The following TRIM67 variants were observed in gnomAD, a reference collection of about 807,000 sequenced individuals.
The protein encoded by TRIM67 is tripartite motif containing 67, also known as tripartite motif-containing protein 67.
In TRIM67, 39 loss-of-function variants were observed where a neutral mutation model predicts 71.0. The observed-to-expected ratio is 0.55, with a 90% CI of 0.43 to 0.72. TRIM67 has a LOEUF of 0.72. Ranked by LOEUF, TRIM67 falls within the 30% of genes least tolerant of loss-of-function variation. The probability of loss-of-function intolerance (pLI) is 0.00; values close to 1 mark genes in which losing one functional copy is unlikely to be tolerated. For missense variants in TRIM67, 973 were observed against 1,079.2 expected (o/e 0.90, Z 1.38); for synonymous variants, 481 against 473.9 (o/e 1.01, Z -0.19).
At chr1:231,185,336 G>C (rs1683040718) in intron 1 of TRIM67, 2 of 997,274 alleles carry the variant, frequency 2.0e-6, no homozygotes, top group Admixed American at 5.2e-5. Flanking sequence ...AAGTCAGAAG[G>C]GAGAATGGCT....
chr1:231,193,499 T>G (rs1683286580), intron 1 of TRIM67, among the ~76,000 whole-genome samples: 2 of 138,484 alleles, frequency 1.4e-5, no homozygotes, highest in Admixed American at 1.5e-4. Flanking sequence ...GAACTCTCTC[T>G]CAAGCTCTCT....
At chr1:231,186,118 A>G (rs1009531030) in intron 1 of TRIM67, 20 of 1,533,200 alleles carry the variant, frequency 1.3e-5, no homozygotes, top group Non-Finnish European at 1.4e-5. Flanking sequence ...CTGAATGAAT[A>G]CATCGGTGAA....
intron 1 of TRIM67, among the ~76,000 whole-genome samples, chr1:231,164,299 C>T (rs1007526561): frequency 6.6e-6 from 1 of 152,172 alleles, no homozygotes; most frequent in Non-Finnish European, 1.5e-5. Context: ...GCACCCAAAA[C>T]GCAGACACAG....
chr1:231,209,596 T>C lies in TRIM67; in HGVS notation c.2123+346T>C, dbSNP rs140615446. On this transcript the variant is annotated intron_variant, in intron 8 of 9. Transcript: ENST00000366653. This position sits in a 1 kb window ranked among gnomAD's most constrained non-coding sequence, Gnocchi z 4.1. ...TTCAACTGTCAACCCAAGCTTGGGT[T>C]GCTGCAGGGTGTTAATGGGCACCAC... Among the ~76,000 whole-genome samples the C allele has an allele frequency of 7.2e-3, 1,094 of 152,304 alleles. 11 individuals are homozygous for C. Among genetic ancestry groups the C allele is most frequent in the African/African-American group, 0.025 (1,052 of 41,568 alleles).
In TRIM67 at chr1:231,219,241, C is replaced by T; in HGVS notation, c.*3801C>T. 1.0e-6 allele frequency: 1 copy of T among 982,036 alleles called. No individual in the cohort carries two copies. Among genetic ancestry groups the T allele is most frequent in the Non-Finnish European group, 1.2e-6 (1 of 826,764 alleles). The allele number at this position is 982,036 out of a possible 1,614,324, so 60.8% of individuals were successfully genotyped here. ...CTGTATGCCGTAGGATGTTTAGCAA[C>T]ATCCCTGGTCTCTACCCATCATCTG... On this transcript the variant is annotated 3_prime_UTR_variant, in exon 10 of 10. Transcript: ENST00000366653.
intron 8 of TRIM67, among the ~76,000 whole-genome samples, chr1:231,212,715 T>C (rs1683906987): frequency 6.6e-6 from 1 of 152,048 alleles, no homozygotes; most frequent in African/African-American, 2.4e-5. Context: ...ACAGCCACTC[T>C]AAAACAAAAA....
At chr1:231,200,463 G>A (rs1349075042) in intron 4 of TRIM67, among the ~76,000 whole-genome samples, 1 of 152,200 alleles carries the variant, frequency 6.6e-6, no homozygotes, top group Non-Finnish European at 1.5e-5. Context: ...CATGAAACGA[G>A]GAGGTGAAAT....
chr1:231,177,272 A>G (rs149218984), intron 1 of TRIM67, among the ~76,000 whole-genome samples: 177 of 152,302 alleles, frequency 1.2e-3, no homozygotes, highest in African/African-American at 4.2e-3. Context: ...GGGGGTGCAT[A>G]ATTTGACGAC....
At chr1:231,207,321 A>G (rs1308531514) in intron 7 of TRIM67, among the ~76,000 whole-genome samples, 1 of 152,198 alleles carries the variant, frequency 6.6e-6, no homozygotes, top group Non-Finnish European at 1.5e-5. Flanking sequence ...CACAGCGGAA[A>G]AGTGCCCTTT....
chr1:231,177,483 A>G (rs74537614), intron 1 of TRIM67, among the ~76,000 whole-genome samples: 4 of 152,228 alleles, frequency 2.6e-5, no homozygotes, highest in Non-Finnish European at 5.9e-5. Context: ...GGCTTCATGC[A>G]TCAGACATCC....
At chr1:231,181,227 G>A (rs1682897907) in intron 1 of TRIM67, among the ~76,000 whole-genome samples, 1 of 152,202 alleles carries the variant, frequency 6.6e-6, no homozygotes, top group South Asian at 2.1e-4. Context: ...GCCTCCCAAA[G>A]TGCTGGGATT....
chr1:231,207,168 G>T (rs918555397), intron 7 of TRIM67, among the ~76,000 whole-genome samples: 3 of 152,216 alleles, frequency 2.0e-5, no homozygotes, highest in African/African-American at 7.2e-5. Flanking sequence ...ACCCCATTGT[G>T]CTGGACTAAA....
rs754993094 is a variant in TRIM67 at position 231,163,867 on chromosome 1, T to C, written c.898T>C (p.Phe300Leu). Reference sequence around the variant, plus strand: ...GACTGGGGGCAGCACGGCCCGCAAGTTCCCCACGTGTCCCGAGCATGAAAT... The same window carrying C: ...GACTGGGGGCAGCACGGCCCGCAAGCTCCCCACGTGTCCCGAGCATGAAAT... ...GATGGSTARK[F>L]PTCPEHEMEN... The change falls in exon 1 of 10, where the codon TTC becomes CTC. Residue 300 changes from phenylalanine (F) to leucine (L), a missense_variant. Physicochemically the swap from Phe to Leu is conservative, Grantham distance 22. Around this residue, in one of 2 missense-constraint regions of TRIM67, gnomAD observed 795 missense variants for 831.3 expected, o/e 0.96. Transcript: ENST00000366653. The C allele has an allele frequency of 6.4e-7, 1 of 1,569,664 alleles. No homozygotes were observed. The highest frequency in any genetic ancestry group is 8.6e-7 in the Non-Finnish European group (1 of 1,158,186).
intron 1 of TRIM67, among the ~76,000 whole-genome samples, chr1:231,191,219 A>G (rs886907933): frequency 3.3e-5 from 5 of 152,142 alleles, no homozygotes; most frequent in African/African-American, 1.2e-4. Flanking sequence ...GTATACCACC[A>G]CACTCAGCTA....
At chr1:231,199,583 C>T (rs1558302798) in intron 3 of TRIM67, among the ~76,000 whole-genome samples, 1 of 152,176 alleles carries the variant, frequency 6.6e-6, no homozygotes. Flanking sequence ...CCAGTTCCCA[C>T]CAAGGGAAGA....
At chr1:231,181,614 A>G (rs1206013977) in intron 1 of TRIM67, among the ~76,000 whole-genome samples, 1 of 152,240 alleles carries the variant, frequency 6.6e-6, no homozygotes, top group African/African-American at 2.4e-5. Context: ...CAGAAAAATG[A>G]GAAAAAAGAA....
Position 231,215,829 on chromosome 1 carries a change from G to A in TRIM67, c.*389G>A, listed in dbSNP as rs146238442. 3.9e-5 allele frequency: 40 copies of A among 1,018,230 alleles called. No individual in the cohort carries two copies. The Middle Eastern group carries it at 1.5e-3, about 37-fold the overall frequency. 63.1% of individuals were successfully genotyped at this position (1,018,230 alleles called of 1,614,324 possible). On this transcript the variant is annotated 3_prime_UTR_variant, in exon 10 of 10. Coordinates refer to ENST00000366653, the MANE Select transcript of TRIM67 (RefSeq NM_001004342.5). ...ACTTTGAGACTGGCCTCCTGAGAGC[G>A]GCAGTCAGGAGCTGCGCTGTAATCC... is the stretch of plus-strand genomic sequence containing the variant.
chr1:231,194,048 CAA>C (rs926724149), intron 1 of TRIM67, among the ~76,000 whole-genome samples: 12 of 152,214 alleles, frequency 7.9e-5, no homozygotes, highest in Non-Finnish European at 1.0e-4. Context: ...CACCCTGAAC[CAA>C]CCGCACTGGC....
chr1:231,207,756 C>T (rs1182023713), intron 7 of TRIM67, among the ~76,000 whole-genome samples: 2 of 152,138 alleles, frequency 1.3e-5, no homozygotes, highest in Non-Finnish European at 2.9e-5. Flanking sequence ...GAGGAGAGCT[C>T]GCTAGCTTCT....
Sources: allele counts gnomAD v4.1 joint callset (sites outside exome capture counted in the v4.1 genomes callset), GRCh38; gene constraint gnomAD v4.1.1; regional missense constraint gnomAD v4.1.1; non-coding constraint Gnocchi (gnomAD v3.1); transcripts MANE v1.5; gene names NCBI Gene and HGNC (gene_info 2026-07-23, HGNC 2026-07-21).